Variants in CAPS2 observed in about 807,000 individuals in gnomAD.
CAPS2 encodes the protein calcyphosin-2.
CAPS2 carries 98 observed loss-of-function variants against 86.5 expected under a neutral mutation model. The observed-to-expected ratio is 1.13, with a 90% CI of 0.96 to 1.34. The LOEUF (loss-of-function observed/expected upper bound fraction) is 1.34. Among genes scored for constraint, CAPS2 ranks in the 40% most tolerant of loss-of-function variants. The pLI is 0.00. For missense variants in CAPS2, 729 were observed against 686.8 expected (o/e 1.06, Z -0.69); for synonymous variants, 210 against 225.1 (o/e 0.93, Z 0.60).
chr12:75,283,652 A>G (rs1360503282), intron 15 of CAPS2, among the ~76,000 whole-genome samples: 6 of 150,094 alleles, frequency 4.0e-5, no homozygotes, highest in African/African-American at 1.2e-4. Flanking sequence ...TGTCTCTACT[A>G]AAAATACAAA....
At chr12:75,372,003 T>C (rs543188632) in intron 1 of CAPS2, among the ~76,000 whole-genome samples, 57 of 152,268 alleles carry the variant, frequency 3.7e-4, no homozygotes, top group African/African-American at 1.3e-3. Flanking sequence ...GTTGATTTCA[T>C]CTTTTTTGTT....
chr12:75,334,651 G>A, upstream of CAPS2: 1 of 1,554,430 alleles, frequency 6.4e-7, no homozygotes, highest in African/African-American at 1.4e-5. Context: ...GTGGTGCGGG[G>A]GCGTGGGGAA....
upstream of CAPS2, among the ~76,000 whole-genome samples, chr12:75,326,921 A>AG (rs1279078665): frequency 6.6e-6 from 1 of 152,168 alleles, no homozygotes; most frequent in Non-Finnish European, 1.5e-5. Context: ...ATGGAAGCAT[A>AG]GGTCAGAGAG....
intron 7 of CAPS2, chr12:75,306,342 A>T (rs572253053): frequency 1.8e-5 from 9 of 506,562 alleles, no homozygotes; most frequent in South Asian, 1.6e-4. Flanking sequence ...CTGCTCCTGT[A>T]ACAGTGTCTC....
At chr12:75,321,831 G>A (rs1279524826) in intron 4 of CAPS2, among the ~76,000 whole-genome samples, 1 of 152,044 alleles carries the variant, frequency 6.6e-6, no homozygotes, top group Non-Finnish European at 1.5e-5. Context: ...TTTCCTAGCT[G>A]AAGATCCATT....
upstream of CAPS2, chr12:75,334,718 C>T (rs150675525): frequency 8.1e-6 from 13 of 1,610,518 alleles, no homozygotes; most frequent in African/African-American, 1.7e-4. Context: ...CCGCATCCTC[C>T]ACATCCTTCC....
At chr12:75,384,674 C>G (rs945586072) in intron 1 of CAPS2, among the ~76,000 whole-genome samples, 7 of 152,098 alleles carry the variant, frequency 4.6e-5, no homozygotes, top group African/African-American at 1.7e-4. Flanking sequence ...TACCCTAATA[C>G]CAAAATCCTG....
intron 14 of CAPS2, among the ~76,000 whole-genome samples, chr12:75,288,087 T>C (rs1391796306): frequency 2.0e-5 from 3 of 152,186 alleles, no homozygotes; most frequent in African/African-American, 7.2e-5. Context: ...AGAGGAAACA[T>C]AGTTTGTGTT....
At chr12:75,301,501 C>G (rs1193782131) in intron 8 of CAPS2, among the ~76,000 whole-genome samples, 1 of 152,184 alleles carries the variant, frequency 6.6e-6, no homozygotes, top group Non-Finnish European at 1.5e-5. Context: ...ACAGCTACCA[C>G]TTATTGAGAA....
At chr12:75,373,733 G>T in intron 1 of CAPS2, 1 of 153,478 alleles carries the variant, frequency 6.5e-6, no homozygotes, top group South Asian at 1.9e-4. Flanking sequence ...ACTGATCATA[G>T]GGAACTTCTC....
chr12:75,279,801 T>G (rs1200775601), intron 16 of CAPS2, among the ~76,000 whole-genome samples: 1 of 152,064 alleles, frequency 6.6e-6, no homozygotes, highest in African/African-American at 2.4e-5. Flanking sequence ...GAAGTTTTAA[T>G]TGAATGTTAG....
At chr12:75,289,067 A>G (rs1301205177) in intron 14 of CAPS2, among the ~76,000 whole-genome samples, 1 of 152,132 alleles carries the variant, frequency 6.6e-6, no homozygotes. Flanking sequence ...ATATGTGAAG[A>G]TTATTAATCA....
At chr12:75,298,904 G>C in exon 10 of CAPS2, 1 of 1,611,834 alleles carries the variant, frequency 6.2e-7, no homozygotes, top group Non-Finnish European at 8.5e-7. Flanking sequence ...TTCATAAATT[G>C]TAAGGGATTG....
intron 1 of CAPS2, among the ~76,000 whole-genome samples, chr12:75,390,561 T>C (rs1006128747): frequency 6.6e-6 from 1 of 152,220 alleles, no homozygotes; most frequent in Non-Finnish European, 1.5e-5. Context: ...AATATTTCTG[T>C]ATTCCATTCT....
chr12:75,296,612 T>C (rs1479208557), intron 11 of CAPS2, among the ~76,000 whole-genome samples: 1 of 152,126 alleles, frequency 6.6e-6, no homozygotes, highest in African/African-American at 2.4e-5. Context: ...TTTATGCAGG[T>C]GCATCTATGG....
chr12:75,354,169 G>T (rs1029298169), intron 1 of CAPS2, among the ~76,000 whole-genome samples: 31 of 144,626 alleles, frequency 2.1e-4, no homozygotes, highest in Admixed American at 7.6e-4. Flanking sequence ...AAAAAAAAGG[G>T]GGGGGGGTAT....
At chr12:75,350,716 T>C (rs1344571362) in intron 1 of CAPS2, among the ~76,000 whole-genome samples, 1 of 152,012 alleles carries the variant, frequency 6.6e-6, no homozygotes, top group Admixed American at 6.6e-5. Context: ...AGATCAAAGG[T>C]AGATAAACCC....
upstream of CAPS2, chr12:75,334,761 G>A: frequency 6.2e-7 from 1 of 1,614,074 alleles, no homozygotes; most frequent in Non-Finnish European, 8.5e-7. Flanking sequence ...GTTGTTTATG[G>A]ATCTTGGGTC....
At chr12:75,331,379 T>G (rs2041291337), upstream of CAPS2, among the ~76,000 whole-genome samples, 1 of 152,162 alleles carries the variant, frequency 6.6e-6, no homozygotes, top group African/African-American at 2.4e-5. Flanking sequence ...GGTGCAAATT[T>G]GGGAGTAAAA....
Sources: gnomAD v4.1 joint callset for allele counts (sites outside exome capture counted in the v4.1 genomes callset) on GRCh38, gnomAD v4.1.1 for gene constraint, MANE v1.5 for transcripts, NCBI Gene and HGNC (gene_info 2026-07-23, HGNC 2026-07-21) for gene names.